The following STRADB variants were observed in gnomAD, a reference collection of about 807,000 sequenced individuals.
STRADB encodes the protein STE20 related adaptor beta, also known as STE20-related kinase adapter protein beta.
A neutral mutation model predicts 52.1 loss-of-function variants in STRADB; 34 were observed. The ratio of observed to expected loss-of-function variants is 0.65; its 90% confidence interval spans 0.50 to 0.87. The LOEUF (loss-of-function observed/expected upper bound fraction) is 0.87. Ranked by LOEUF, STRADB falls within the 40% of genes least tolerant of loss-of-function variation. The pLI, the probability that STRADB is intolerant of heterozygous loss-of-function variation, is 0.00. For synonymous variants in STRADB, 133 were observed against 174.5 expected (o/e 0.76, Z 1.87); for missense variants, 340 against 483.9 (o/e 0.70, Z 2.79).
At position 201,479,473 on chromosome 2, in the gene STRADB, T is replaced by G. The variant is rs779528947; in HGVS notation, c.1071-16T>G. 2 of 1,591,170 alleles carry G rather than the reference T, an allele frequency of 1.3e-6. No homozygotes were observed. Among genetic ancestry groups the G allele is most frequent in the Non-Finnish European group, 1.7e-6 (2 of 1,173,790 alleles). On this transcript the variant is annotated splice_polypyrimidine_tract_variant and intron_variant, in intron 10 of 11. Transcript: ENST00000194530. ...ATATAAAGGTTTTTTTTTTATAACT[T>G]TCTTAAAAATTTCAGGCCATCAGCA... is the stretch of plus-strand genomic sequence containing the variant.
chr2:201,453,430 C>T (rs1952081263), intron 1 of STRADB, among the ~76,000 whole-genome samples: 1 of 152,042 alleles, frequency 6.6e-6, no homozygotes, highest in African/African-American at 2.4e-5. Flanking sequence ...AGCGGGTGTC[C>T]ACAGTGCCTG....
At chr2:201,479,681 T>A (rs1952539581) in intron 11 of STRADB, 150 bp downstream of exon 11, 2 of 789,474 alleles carry the variant, frequency 2.5e-6, no homozygotes, top group Admixed American at 3.3e-5. Context: ...AAACTTTTGG[T>A]AGTTCAATTA....
chr2:201,461,444 C>T (rs1952214918), intron 3 of STRADB, among the ~76,000 whole-genome samples: 1 of 152,166 alleles, frequency 6.6e-6, no homozygotes, highest in East Asian at 1.9e-4. Context: ...GAGTATTGGG[C>T]TTACAGTCTG....
intron 2 of STRADB, 38 bp downstream of exon 2, chr2:201,454,890 C>T: frequency 6.3e-7 from 1 of 1,590,190 alleles, no homozygotes; most frequent in Non-Finnish European, 8.6e-7. Context: ...TTTGTTCTGT[C>T]AGAGTAGTTG....
Position 201,480,506 on chromosome 2 carries a change from G to T in STRADB, c.*331G>T. On this transcript the variant is annotated 3_prime_UTR_variant, in exon 12 of 12. Transcript: ENST00000194530. ...TTTTCAGTATTTTGCTGTCCCTTGG[G>T]AATGGGCCCTCAGAGGACAGTGCTT... is the stretch of plus-strand genomic sequence containing the variant. 9.5e-7 allele frequency: 1 copy of T among 1,048,896 alleles called. No individual in the cohort carries two copies. The highest frequency in any genetic ancestry group is 1.2e-6 in the Non-Finnish European group (1 of 869,052). The allele number at this position is 1,048,896 out of a possible 1,614,324, so 65.0% of individuals were successfully genotyped here.
In STRADB at chr2:201,464,525, G is replaced by A. The variant is rs1053813805; in HGVS notation, c.94-5428G>A. Among the ~76,000 whole-genome samples the A allele has an allele frequency of 7.2e-5, 11 of 152,304 alleles. No individual in the cohort carries two copies. In the East Asian group the frequency reaches 1.7e-3, roughly 24 times the overall value. The stretch of plus-strand genomic sequence containing the variant: ...CCCTGTTGCCACCACCACTAGGACT[G>A]CACTGGGTCAGACCTGAAGCTCAGC... On this transcript the variant is annotated intron_variant, in intron 3 of 11. Coordinates refer to ENST00000194530, the MANE Select transcript of STRADB (RefSeq NM_018571.6).
At chr2:201,458,623 A>T (rs1262408219) in intron 2 of STRADB, among the ~76,000 whole-genome samples, 161 bp from the exon 3 acceptor site, 1 of 152,190 alleles carries the variant, frequency 6.6e-6, no homozygotes, top group Admixed American at 6.5e-5. Flanking sequence ...TCCCATGCTG[A>T]GTTCCTCATG....
chr2:201,464,696 C>T (rs1457406992), intron 3 of STRADB, among the ~76,000 whole-genome samples: 2 of 152,216 alleles, frequency 1.3e-5, no homozygotes, highest in Non-Finnish European at 2.9e-5. Context: ...CCCACCTGGC[C>T]CTGGGTGGGT....
intron 6 of STRADB, 35 bp from the exon 7 acceptor site, chr2:201,475,584 A>C: frequency 6.2e-7 from 1 of 1,611,232 alleles, no homozygotes; most frequent in Non-Finnish European, 8.5e-7. Context: ...AATCACTTTC[A>C]ATGTTCATCT....
intron 5 of STRADB, among the ~76,000 whole-genome samples, chr2:201,473,306 T>C (rs1952419894): frequency 6.6e-6 from 1 of 152,232 alleles, no homozygotes. Flanking sequence ...GCATAGCTTA[T>C]ATGCGAATAT....
intron 7 of STRADB, among the ~76,000 whole-genome samples, chr2:201,477,059 T>G (rs1293600244): frequency 5.1e-5 from 5 of 97,866 alleles, no homozygotes; most frequent in African/African-American, 7.8e-5. Context: ...TCAGTTTTTT[T>G]TTTTTTTTTT....
intron 2 of STRADB, among the ~76,000 whole-genome samples, chr2:201,455,292 G>C (rs543130091): frequency 1.3e-5 from 2 of 152,188 alleles, no homozygotes; most frequent in South Asian, 4.1e-4. Context: ...CTGCCAACTG[G>C]TTTTCTATTT....
intron 6 of STRADB, 35 bp from the exon 7 acceptor site, chr2:201,475,584 A>T: frequency 6.8e-6 from 11 of 1,611,232 alleles, no homozygotes; most frequent in Non-Finnish European, 8.5e-6. Flanking sequence ...AATCACTTTC[A>T]ATGTTCATCT....
At chr2:201,466,770 A>G (rs1952311135) in intron 3 of STRADB, among the ~76,000 whole-genome samples, 1 of 152,238 alleles carries the variant, frequency 6.6e-6, no homozygotes, top group South Asian at 2.1e-4. Flanking sequence ...TTTTAGCATT[A>G]CAGTGATTCA....
intron 2 of STRADB, among the ~76,000 whole-genome samples, chr2:201,458,247 A>T (rs888605573): frequency 6.6e-6 from 1 of 152,188 alleles, no homozygotes; most frequent in African/African-American, 2.4e-5. Context: ...GAAAAATGTA[A>T]ATTGCGATAA....
At chr2:201,477,061 T>TG (rs1198442294) in intron 7 of STRADB, among the ~76,000 whole-genome samples, 1 of 101,110 alleles carries the variant, frequency 9.9e-6, no homozygotes, top group East Asian at 2.8e-4. Flanking sequence ...AGTTTTTTTT[T>TG]TTTTTTTTTT....
At chr2:201,455,000 G>GT in intron 2 of STRADB, 148 bp downstream of exon 2, 3 of 618,232 alleles carry the variant, frequency 4.9e-6, no homozygotes, top group Non-Finnish European at 7.9e-6. Flanking sequence ...CTTGAGAAAT[G>GT]AATTACATTC....
intron 5 of STRADB, among the ~76,000 whole-genome samples, chr2:201,474,180 G>A (rs376582649): frequency 6.0e-4 from 92 of 152,186 alleles, no homozygotes; most frequent in African/African-American, 1.9e-3. Flanking sequence ...GTGAGCCACC[G>A]TGCCCGGCCC....
intron 2 of STRADB, among the ~76,000 whole-genome samples, chr2:201,456,989 C>T (rs1268690113): frequency 6.6e-6 from 1 of 152,088 alleles, no homozygotes; most frequent in East Asian, 1.9e-4. Flanking sequence ...GTCACGTAGG[C>T]GTGCTCTGCT....
Sources: gnomAD v4.1 joint callset for allele counts (sites outside exome capture counted in the v4.1 genomes callset) on GRCh38, gnomAD v4.1.1 for gene constraint, MANE v1.5 for transcripts, NCBI Gene and HGNC (gene_info 2026-07-23, HGNC 2026-07-21) for gene names.